ACSM2B: variants seen among roughly 807,000 people sequenced by gnomAD.
ACSM2B encodes the protein acyl-CoA synthetase medium chain family member 2B.
ACSM2B carries 58 observed loss-of-function variants against 78.6 expected under a neutral mutation model. That is an observed-to-expected ratio of 0.74 (90% CI 0.60 to 0.92). The LOEUF is 0.92. Ranked by LOEUF, ACSM2B falls within the 40% of genes least tolerant of loss-of-function variation. The pLI is 0.00. For synonymous variants in ACSM2B, 257 were observed against 256.8 expected (o/e 1.00, Z -0.01); for missense variants, 688 against 711.2 (o/e 0.97, Z 0.37).
intron 4 of ACSM2B, 78 bp downstream of exon 4, chr16:20,555,191 A>G (rs1288165179): frequency 2.7e-5 from 43 of 1,602,830 alleles, no homozygotes; most frequent in South Asian, 2.5e-4. Flanking sequence ...CAACTCCTCA[A>G]TAAAGCACCT....
intron 9 of ACSM2B, 127 bp downstream of exon 9, chr16:20,546,266 CT>C (rs1220506753): frequency 2.1e-6 from 3 of 1,438,372 alleles, no homozygotes; most frequent in South Asian, 1.7e-5. Context: ...CCCTCCGTCC[CT>C]TTTTTCTGAT....
At chr16:20,563,385 C>T (rs1459318014) in intron 2 of ACSM2B, among the ~76,000 whole-genome samples, 2 of 151,978 alleles carry the variant, frequency 1.3e-5, no homozygotes, top group East Asian at 1.9e-4. Flanking sequence ...ATATTATTAA[C>T]GTTTTTGCTG....
intron 6 of ACSM2B, among the ~76,000 whole-genome samples, chr16:20,550,980 T>C (rs1228389173): frequency 1.1e-4 from 17 of 152,184 alleles, no homozygotes; most frequent in Admixed American, 1.1e-3. Context: ...TTTTTACAGA[T>C]TCACGTAATG....
Position 20,557,037 on chromosome 16 carries a change from T to C in ACSM2B, c.389-1561A>G, listed in dbSNP as rs561957152. ...TATGCGGCGGGTGGGAGCTTTTAGT[T>C]GGGATTAGGCTGTGTGCAAGCAGAG... On this transcript the variant is annotated intron_variant, in intron 3 of 13. Transcript: ENST00000329697. Among the ~76,000 whole-genome samples, 7 of 152,082 alleles carry C rather than the reference T, an allele frequency of 4.6e-5. No individual in the cohort carries two copies. In the East Asian group the frequency reaches 1.4e-3, roughly 29 times the overall value.
intron 2 of ACSM2B, among the ~76,000 whole-genome samples, chr16:20,559,658 A>G (rs1320351479): frequency 4.0e-5 from 6 of 151,094 alleles, no homozygotes; most frequent in African/African-American, 1.5e-4. Flanking sequence ...TTAAAACAGA[A>G]TTTTTGTAAA....
intron 6 of ACSM2B, among the ~76,000 whole-genome samples, chr16:20,551,457 C>T (rs1175335142): frequency 6.6e-6 from 1 of 151,964 alleles, no homozygotes; most frequent in Non-Finnish European, 1.5e-5. Context: ...CTGTCTCTCT[C>T]AACCATGTGA....
chr16:20,539,783 G>A (rs2014936320), intron 13 of ACSM2B, among the ~76,000 whole-genome samples: 2 of 151,300 alleles, frequency 1.3e-5, no homozygotes, highest in African/African-American at 4.9e-5. Context: ...ATTTTCTACT[G>A]GAGTTTTCTA....
chr16:20,554,344 T>A (rs554014238), intron 4 of ACSM2B, among the ~76,000 whole-genome samples: 10 of 152,222 alleles, frequency 6.6e-5, no homozygotes, highest in African/African-American at 2.4e-4. Context: ...TAATACGAGT[T>A]TTCCAAGTAC....
In ACSM2B at chr16:20,543,195, T is replaced by C. The variant is rs1460808972; in HGVS notation, c.1349A>G (p.Lys450Arg). ...AAACTGGAAATACCCATCTTCATCT[T>C]TGATTCCCCGGTCTCCAAGGAGCCA... ...DFWLLGDRGI[K>R]DEDGYFQFMG... is the part of the protein sequence containing the mutation. Residue 450 changes from lysine to arginine, a missense_variant, in exon 11 of 14, where the codon AAA becomes AGA. Coordinates refer to ENST00000329697, the MANE Select transcript of ACSM2B (RefSeq NM_001105069.2). 7 of 1,613,736 alleles carry C rather than the reference T, an allele frequency of 4.3e-6. No individual in the cohort carries two copies. The South Asian group carries it at 5.5e-5, about 13-fold the overall frequency.
intron 1 of ACSM2B, among the ~76,000 whole-genome samples, chr16:20,573,341 T>C (rs945561189): frequency 6.6e-6 from 1 of 150,672 alleles, no homozygotes; most frequent in Non-Finnish European, 1.5e-5. Context: ...TTTCTCATTA[T>C]CTTGCTTGGC....
intron 3 of ACSM2B, among the ~76,000 whole-genome samples, chr16:20,558,400 A>G (rs1446586068): frequency 6.7e-6 from 1 of 148,584 alleles, no homozygotes; most frequent in African/African-American, 2.4e-5. Flanking sequence ...TTTCCTGGGG[A>G]GGTGGATTTA....
intron 10 of ACSM2B, among the ~76,000 whole-genome samples, chr16:20,544,087 T>C (rs1044542807): frequency 6.6e-6 from 1 of 152,154 alleles, no homozygotes; most frequent in Non-Finnish European, 1.5e-5. Context: ...TCTGAGTCTG[T>C]TTCCTTTTTT....
intron 6 of ACSM2B, among the ~76,000 whole-genome samples, chr16:20,549,204 C>T (rs1453171381): frequency 1.3e-5 from 2 of 152,162 alleles, no homozygotes; most frequent in African/African-American, 4.8e-5. Context: ...CCATCCCATG[C>T]TTTTCTTTAT....
At chr16:20,569,858 C>T (rs1442944131) in intron 1 of ACSM2B, among the ~76,000 whole-genome samples, 1 of 151,874 alleles carries the variant, frequency 6.6e-6, no homozygotes, top group African/African-American at 2.4e-5. Context: ...TAATTCTCAG[C>T]TTGGTTGCTA....
chr16:20,564,232 TG>T (rs1261429512), intron 2 of ACSM2B, among the ~76,000 whole-genome samples: 1 of 152,112 alleles, frequency 6.6e-6, no homozygotes, highest in East Asian at 1.9e-4. Context: ...TAGCTAGGAC[TG>T]CAGGTATGTG....
At chr16:20,575,921 C>T (rs2016236957) in intron 1 of ACSM2B, 1 of 151,820 alleles carries the variant, frequency 6.6e-6, no homozygotes, top group African/African-American at 2.4e-5. Context: ...CTTCTGGTCT[C>T]ACCTCCTCTG....
intron 2 of ACSM2B, among the ~76,000 whole-genome samples, chr16:20,559,767 G>A (rs1414490452): frequency 2.0e-5 from 3 of 150,776 alleles, no homozygotes; most frequent in Non-Finnish European, 4.4e-5. Context: ...AAAAAATAAT[G>A]AGGAAAGTGG....
chr16:20,547,460 G>T (rs1289959072), intron 8 of ACSM2B: 2 of 980,540 alleles, frequency 2.0e-6, no homozygotes, highest in Non-Finnish European at 2.4e-6. Context: ...AGAGTCACAA[G>T]TAAGAGGCAC....
In ACSM2B at chr16:20,566,272, T is replaced by G. The variant is rs1349133254; in HGVS notation, c.-8-1419A>C. 6.5e-4 allele frequency among the ~76,000 whole-genome samples: 87 copies of G among 132,892 alleles called. 1 individual carries two copies. Among genetic ancestry groups the G allele is most frequent in the African/African-American group, 2.4e-3 (84 of 35,700 alleles). 87.2% of individuals were successfully genotyped at this position (132,892 alleles called of 152,430 possible). On this transcript the variant is annotated intron_variant, in intron 1 of 13. Transcript: ENST00000329697. ...TTATATATATATATATATATATATA[T>G]ATATATATATATAGACAGATATATA...
Sources: gnomAD v4.1 joint callset for allele counts (sites outside exome capture counted in the v4.1 genomes callset) on GRCh38, gnomAD v4.1.1 for gene constraint, MANE v1.5 for transcripts, NCBI Gene and HGNC (gene_info 2026-07-23, HGNC 2026-07-21) for gene names.